The following COLEC12 variants were observed in gnomAD, a reference collection of about 807,000 sequenced individuals.
The protein encoded by COLEC12 is collectin subfamily member 12.
COLEC12 carries 33 observed loss-of-function variants against 71.1 expected under a neutral mutation model. The observed-to-expected ratio is 0.46, with a 90% CI of 0.35 to 0.62. COLEC12 has a LOEUF of 0.62. COLEC12 is among the 20% of genes least tolerant of loss of function. The pLI is 0.00. For synonymous variants in COLEC12, 350 were observed against 353.0 expected, an observed-to-expected ratio of 0.99 and a Z score of 0.10; for missense variants, 765 against 916.1, an observed-to-expected ratio of 0.84 and a Z score of 2.13.
intron 2 of COLEC12, among the ~76,000 whole-genome samples, chr18:415,255 G>A (rs1016124754): frequency 1.3e-5 from 2 of 152,180 alleles, no homozygotes; most frequent in Non-Finnish European, 2.9e-5. Context: ...CCTCACTAAA[G>A]TGACCAGACA....
intron 2 of COLEC12, among the ~76,000 whole-genome samples, chr18:385,618 T>C (rs1915329560): frequency 6.6e-6 from 1 of 152,134 alleles, no homozygotes; most frequent in African/African-American, 2.4e-5. Flanking sequence ...CCACCGTGCC[T>C]GGCCAAAAAT....
rs145736014 is a variant in COLEC12, at chr18:321,717, G to A, written c.2154C>T (p.Asn718=). 1.5e-5 allele frequency: 24 copies of A among 1,614,022 alleles called. No homozygotes were observed. In the African/African-American group the frequency reaches 1.6e-4, roughly 11 times the overall value. ...TATTGACGTCTTCACATTGGAAATC[G>A]TTCCACTGCCCAGCATAAATCAACC... The part of the protein sequence containing the change: ...CAGLIYAGQW[N]DFQCEDVNNF... Residue 718 remains asparagine, a synonymous_variant, in exon 9 of 10, where the codon AAC becomes AAT. Coordinates refer to ENST00000400256, the MANE Select transcript of COLEC12 (RefSeq NM_130386.3).
chr18:374,870 G>A (rs1915079795), intron 2 of COLEC12, among the ~76,000 whole-genome samples: 3 of 152,176 alleles, frequency 2.0e-5, no homozygotes, highest in East Asian at 1.9e-4. Context: ...TCATCAAGAC[G>A]ATCCAGTGCA....
rs914655656 is a variant in COLEC12, at chr18:362,630, T to C, written c.59-5108A>G. 4.6e-5 allele frequency among the ~76,000 whole-genome samples: 7 copies of C among 151,864 alleles called. No homozygotes were observed. The highest frequency in any genetic ancestry group is 9.7e-5 in the African/African-American group (4 of 41,320). ...AAGGGCTGGGGACTGATATACAGAG[T>C]GCTGCAGAGGAGAGATTTCAGTTCA... On this transcript the variant is annotated intron_variant, in intron 2 of 9. Transcript: ENST00000400256. This position sits in a 1 kb window ranked among gnomAD's most constrained non-coding sequence, Gnocchi z 4.6.
At chr18:429,534 A>C (rs2143670930) in intron 2 of COLEC12, among the ~76,000 whole-genome samples, 1 of 152,164 alleles carries the variant, frequency 6.6e-6, no homozygotes, top group East Asian at 1.9e-4. Flanking sequence ...GGTGCCTGCC[A>C]CCATGCCCGG....
chr18:365,384 G>T (rs1184452784), intron 2 of COLEC12, among the ~76,000 whole-genome samples: 1 of 152,226 alleles, frequency 6.6e-6, no homozygotes, highest in Non-Finnish European at 1.5e-5. Flanking sequence ...AGTGAGATGG[G>T]CCAGGGAAAG....
At chr18:361,735 T>A (rs1914748689) in intron 2 of COLEC12, among the ~76,000 whole-genome samples, 1 of 152,186 alleles carries the variant, frequency 6.6e-6, no homozygotes, top group African/African-American at 2.4e-5. Context: ...TGAGAAACCA[T>A]GAACTTGCTT....
intron 2 of COLEC12, among the ~76,000 whole-genome samples, chr18:423,130 T>G (rs1916130715): frequency 6.6e-6 from 1 of 151,782 alleles, no homozygotes; most frequent in African/African-American, 2.4e-5. Flanking sequence ...ATTAGCTGGG[T>G]GTGATGTTGA....
intron 5 of COLEC12, among the ~76,000 whole-genome samples, chr18:344,060 T>A: frequency 6.6e-6 from 1 of 152,168 alleles, no homozygotes; most frequent in East Asian, 1.9e-4. Flanking sequence ...ATTAATGAAA[T>A]AATAAAACTA....
At chr18:379,012 G>T (rs1003965060) in intron 2 of COLEC12, among the ~76,000 whole-genome samples, 7 of 152,204 alleles carry the variant, frequency 4.6e-5, no homozygotes, top group Non-Finnish European at 1.0e-4. Flanking sequence ...TGCACAGGGT[G>T]GTTTCTGGCA....
chr18:497,404 G>GTC lies in COLEC12; in HGVS notation c.7+3103_7+3104insGA, dbSNP rs530277249. Among the ~76,000 whole-genome samples, 21 of 152,016 alleles carry GTC rather than the reference G, an allele frequency of 1.4e-4. No individual in the cohort carries two copies. In the South Asian group the frequency reaches 4.4e-3, roughly 32 times the overall value. On this transcript the variant is annotated intron_variant, in intron 1 of 9. Coordinates refer to ENST00000400256, the MANE Select transcript of COLEC12 (RefSeq NM_130386.3). ...ATGGGGTGTGTGTGTGTGTGTGTGT[G>GTC]TGTGTGTGTGTGTGTGTTTGAGAGA...
intron 2 of COLEC12, among the ~76,000 whole-genome samples, chr18:468,045 C>T (rs992681370): frequency 1.3e-5 from 2 of 152,028 alleles, no homozygotes; most frequent in African/African-American, 2.4e-5. Flanking sequence ...AGGTGGATCA[C>T]GAGGTCAGGA....
chr18:453,453 G>C (rs1372877876), intron 2 of COLEC12, among the ~76,000 whole-genome samples: 1 of 152,196 alleles, frequency 6.6e-6, no homozygotes, highest in Non-Finnish European at 1.5e-5. Flanking sequence ...CAGAGATACA[G>C]AGAGAGACAC....
chr18:461,728 G>GGGTGGAGTTGAGACTT (rs1916987136), intron 2 of COLEC12, among the ~76,000 whole-genome samples: 1 of 152,090 alleles, frequency 6.6e-6, no homozygotes, highest in African/African-American at 2.4e-5. Flanking sequence ...TCCAACTTCA[G>GGGTGGAGTTGAGACTT]GGTGGAGTTG....
At chr18:397,479 T>A (rs1915595610) in intron 2 of COLEC12, among the ~76,000 whole-genome samples, 1 of 152,166 alleles carries the variant, frequency 6.6e-6, no homozygotes, top group South Asian at 2.1e-4. Context: ...CTAGTTAGAT[T>A]TTTATAATTT....
chr18:457,821 G>T (rs1916902248), intron 2 of COLEC12, among the ~76,000 whole-genome samples: 1 of 152,202 alleles, frequency 6.6e-6, no homozygotes, highest in South Asian at 2.1e-4. Flanking sequence ...TTTTCAAAGT[G>T]ACTGCCAACA....
intron 2 of COLEC12, among the ~76,000 whole-genome samples, chr18:389,533 C>A (rs1234536646): frequency 6.6e-6 from 1 of 151,878 alleles, no homozygotes; most frequent in African/African-American, 2.4e-5. Flanking sequence ...CCACCTCGGC[C>A]TCCCAAAGTG....
chr18:342,419 T>C (rs1006864494), intron 5 of COLEC12, among the ~76,000 whole-genome samples: 1 of 152,228 alleles, frequency 6.6e-6, no homozygotes, highest in Non-Finnish European at 1.5e-5. Context: ...GCGGCAAATG[T>C]CTATATGGCT....
intron 3 of COLEC12, among the ~76,000 whole-genome samples, chr18:352,536 G>A (rs905677477): frequency 5.3e-5 from 8 of 152,088 alleles, no homozygotes; most frequent in South Asian, 2.1e-4. Context: ...ATCTGTCGAC[G>A]TTTTCTTCTG....
Sources: gnomAD v4.1 joint callset for allele counts (sites outside exome capture counted in the v4.1 genomes callset) on GRCh38, gnomAD v4.1.1 for gene constraint, Gnocchi (gnomAD v3.1) non-coding constraint, MANE v1.5 for transcripts, NCBI Gene and HGNC (gene_info 2026-07-23, HGNC 2026-07-21) for gene names.